LRP2: variants seen among roughly 807,000 people sequenced by gnomAD.
LRP2 encodes LDL receptor related protein 2.
A neutral mutation model predicts 531.0 loss-of-function variants in LRP2; 172 were observed. The ratio of observed to expected loss-of-function variants is 0.32; its 90% CI spans 0.29 to 0.37. The LOEUF (loss-of-function observed/expected upper bound fraction) is 0.37. LRP2 is among the 10% of genes least tolerant of loss of function. The pLI is 1.00. For synonymous variants in LRP2, 1,992 were observed against 2,027.6 expected (o/e 0.98, Z 0.47); for missense variants, 5,167 against 5,868.3 (o/e 0.88, Z 3.90).
chr2:169,206,273 G>A, intron 39 of LRP2, 57 bp downstream of exon 39: 1 of 1,610,166 alleles, frequency 6.2e-7, no homozygotes, highest in East Asian at 2.2e-5. Context: ...AGTCATCCAT[G>A]TGTGTTGACC....
intron 65 of LRP2, among the ~76,000 whole-genome samples, chr2:169,155,659 C>T (rs1262295111): frequency 4.2e-5 from 6 of 142,990 alleles, no homozygotes; most frequent in Non-Finnish European, 7.6e-5. Flanking sequence ...GAGTATAATA[C>T]ATCTGACTTA....
chr2:169,210,182 C>T (rs568909951), intron 37 of LRP2, among the ~76,000 whole-genome samples: 1 of 152,174 alleles, frequency 6.6e-6, no homozygotes, highest in African/African-American at 2.4e-5. Context: ...TTGCAATCCT[C>T]GATTAAATAA....
At chr2:169,339,087 C>A (rs1188965054) in intron 1 of LRP2, among the ~76,000 whole-genome samples, 1 of 148,620 alleles carries the variant, frequency 6.7e-6, no homozygotes, top group African/African-American at 2.5e-5. Flanking sequence ...CAAATATTGT[C>A]TCCCTCTCAA....
chr2:169,329,236 T>G (rs1685200566), intron 1 of LRP2, among the ~76,000 whole-genome samples: 1 of 152,100 alleles, frequency 6.6e-6, no homozygotes, highest in Admixed American at 6.5e-5. Flanking sequence ...CCAGGCTTTG[T>G]GTGTAGGGTC....
intron 45 of LRP2, among the ~76,000 whole-genome samples, chr2:169,198,236 A>T (rs2105320593): frequency 6.6e-6 from 1 of 152,174 alleles, no homozygotes; most frequent in Non-Finnish European, 1.5e-5. Context: ...TAACACAGAG[A>T]AACCCCATAT....
intron 9 of LRP2, among the ~76,000 whole-genome samples, chr2:169,288,654 A>G (rs1574223433): frequency 1.3e-5 from 2 of 152,322 alleles, no homozygotes; most frequent in East Asian, 1.9e-4. Context: ...TGCTGGGCTC[A>G]GGCAGCAGCT....
At chr2:169,215,618 A>G (rs1688754865) in intron 35 of LRP2, among the ~76,000 whole-genome samples, 1 of 151,138 alleles carries the variant, frequency 6.6e-6, no homozygotes, top group Non-Finnish European at 1.5e-5. Flanking sequence ...ACACACACAC[A>G]TAGGTAGATA....
intron 59 of LRP2, 31 bp downstream of exon 59, chr2:169,170,519 AT>A: frequency 1.9e-6 from 3 of 1,567,038 alleles, no homozygotes; most frequent in Non-Finnish European, 2.6e-6. Flanking sequence ...ACAGTACAAA[AT>A]TCTATGGTAA....
At chr2:169,212,659 G>A (rs2105341865) in intron 36 of LRP2, among the ~76,000 whole-genome samples, 1 of 151,466 alleles carries the variant, frequency 6.6e-6, no homozygotes, top group African/African-American at 2.4e-5. Flanking sequence ...TCAAAGTGAA[G>A]TAACTCAGGA....
chr2:169,181,661 A>T (rs748337392), intron 51 of LRP2, 43 bp from the exon 52 acceptor site: 14 of 1,585,214 alleles, frequency 8.8e-6, no homozygotes, highest in Non-Finnish European at 9.5e-6. Context: ...ATGCCAAAAG[A>T]AGTCAGTAGC....
At chr2:169,155,838 C>T (rs1686309989) in intron 65 of LRP2, among the ~76,000 whole-genome samples, 3 of 152,126 alleles carry the variant, frequency 2.0e-5, no homozygotes. Flanking sequence ...TTCACGAGCC[C>T]TCTTGGACTA....
chr2:169,231,359 T>TA (rs1257056706), intron 31 of LRP2, among the ~76,000 whole-genome samples: 1 of 147,146 alleles, frequency 6.8e-6, no homozygotes, highest in Non-Finnish European at 1.5e-5. Flanking sequence ...ACAATGGACA[T>TA]AAAAAATGAA....
chr2:169,243,641 T>A, intron 22 of LRP2, 119 bp from the exon 23 acceptor site: 1 of 1,187,096 alleles, frequency 8.4e-7, no homozygotes, highest in South Asian at 1.2e-5. Flanking sequence ...GGTTCAAAAT[T>A]CTTTTGAATC....
chr2:169,205,206 A>G (rs186172496), intron 41 of LRP2, among the ~76,000 whole-genome samples: 115 of 152,330 alleles, frequency 7.5e-4, no homozygotes, highest in African/African-American at 2.6e-3. Context: ...TTGAGAAAAT[A>G]CATTTATAAT....
rs1688624844 is a variant in LRP2, at chr2:169,212,359, G to C, written c.6041-152C>G. 5.4e-6 allele frequency: 5 copies of C among 920,332 alleles called. No homozygotes were observed. In the African/African-American group the frequency reaches 6.6e-5, roughly 12 times the overall value. 57.0% of individuals were successfully genotyped at this position (920,332 alleles called of 1,614,324 possible). A position where few individuals can be genotyped will look rare whatever the true frequency, so the allele number is the denominator to read the frequency against. On this transcript the variant is annotated intron_variant, in intron 36 of 78. Coordinates refer to ENST00000649046, the MANE Select transcript of LRP2 (RefSeq NM_004525.3). The stretch of plus-strand genomic sequence containing the variant: ...TTAGCAATCTAAAAACAACATCGGA[G>C]AGACTAGAGCTTATACAATAACACC...
At chr2:169,242,902 G>A (rs899288106) in intron 24 of LRP2, 54 bp downstream of exon 24, 2 of 1,314,358 alleles carry the variant, frequency 1.5e-6, no homozygotes, top group African/African-American at 1.5e-5. Context: ...TATCAATACT[G>A]GCAAAAATGA....
intron 2 of LRP2, among the ~76,000 whole-genome samples, chr2:169,319,732 A>G (rs1684861573): frequency 6.6e-6 from 1 of 152,250 alleles, no homozygotes; most frequent in Non-Finnish European, 1.5e-5. Flanking sequence ...CAGCATCAAC[A>G]TCATCAGGAA....
chr2:169,193,628 C>G, intron 47 of LRP2, 133 bp downstream of exon 47: 1 of 1,129,210 alleles, frequency 8.9e-7, no homozygotes, highest in Non-Finnish European at 1.3e-6. Context: ...CATGGAGAAA[C>G]AAAGGTAACA....
In LRP2 at chr2:169,192,010, C is replaced by T. The variant is rs138894447; in HGVS notation, c.8854G>A (p.Glu2952Lys). 1.9e-5 allele frequency: 30 copies of T among 1,612,642 alleles called. No homozygotes were observed. The highest frequency in any genetic ancestry group is 3.3e-4 in the Middle Eastern group (2 of 6,072). ...QCQNQNCSDS[E>K]FLCVNDRPPD... ...GGTCTGTCATTTACACAGAGAAACTCGGAATCCGAGCAGTTTTGATTCTCT... is the reference window on the plus strand; with the variant it reads ...GGTCTGTCATTTACACAGAGAAACTTGGAATCCGAGCAGTTTTGATTCTCT... The change falls in exon 48 of 79, where the codon GAG becomes AAG. Residue 2952 changes from glutamate (E) to lysine (K), a missense_variant. This residue lies in a region of LRP2 where 1,129 missense variants were observed against 1,362.7 expected (regional missense o/e 0.83). Coordinates refer to ENST00000649046, the MANE Select transcript of LRP2 (RefSeq NM_004525.3).
Sources: gnomAD v4.1 joint callset for allele counts (sites outside exome capture counted in the v4.1 genomes callset) on GRCh38, gnomAD v4.1.1 for gene constraint, gnomAD v4.1.1 regional missense constraint, MANE v1.5 for transcripts, NCBI Gene and HGNC (gene_info 2026-07-23, HGNC 2026-07-21) for gene names.